MICU3: variants seen among roughly 807,000 people sequenced by gnomAD.
MICU3 encodes calcium uptake protein 3, mitochondrial.
MICU3 carries 62 observed loss-of-function variants against 66.5 expected under a neutral mutation model. That is an observed-to-expected ratio of 0.93 (90% CI 0.76 to 1.15). The LOEUF (loss-of-function observed/expected upper bound fraction) is 1.15. Ranked by LOEUF, MICU3 falls within the 50% of genes most tolerant of loss-of-function variation. MICU3 has a pLI of 0.00. For synonymous variants in MICU3, 308 were observed against 240.7 expected (o/e 1.28, Z -2.59); for missense variants, 779 against 664.4 (o/e 1.17, Z -1.90).
chr8:17,116,821 A>G (rs868090359), intron 13 of MICU3, among the ~76,000 whole-genome samples: 7 of 152,294 alleles, frequency 4.6e-5, no homozygotes, highest in Middle Eastern at 3.4e-3. Context: ...ACCTTATAAT[A>G]ATTTATTTTC....
At chr8:17,118,932 C>T (rs758338574) in intron 14 of MICU3, among the ~76,000 whole-genome samples, 157 bp downstream of exon 14, 2 of 152,022 alleles carry the variant, frequency 1.3e-5, no homozygotes, top group South Asian at 2.1e-4. Flanking sequence ...AAAAATTTTA[C>T]GTTAAACCTG....
At chr8:17,031,863 C>G (rs1399367260) in intron 1 of MICU3, among the ~76,000 whole-genome samples, 1 of 152,140 alleles carries the variant, frequency 6.6e-6, no homozygotes, top group African/African-American at 2.4e-5. Context: ...TTCCCTGACT[C>G]TATAGATTTG....
At chr8:17,075,208 G>A (rs1413691388) in intron 3 of MICU3, among the ~76,000 whole-genome samples, 1 of 136,158 alleles carries the variant, frequency 7.3e-6, no homozygotes, top group Non-Finnish European at 1.6e-5. Context: ...CACCGTCCTA[G>A]CACAGCAGCG....
intron 1 of MICU3, among the ~76,000 whole-genome samples, chr8:17,060,917 C>T (rs569690440): frequency 6.6e-6 from 1 of 151,966 alleles, no homozygotes; most frequent in East Asian, 1.9e-4. Flanking sequence ...TCAAAAGCCC[C>T]ACTTAATATT....
At chr8:17,119,532 CATAGATAGATAG>C (rs10524011) in intron 14 of MICU3, among the ~76,000 whole-genome samples, 56 of 124,146 alleles carry the variant, frequency 4.5e-4, no homozygotes, top group Middle Eastern at 3.6e-3. Flanking sequence ...AAGCTTGAAG[CATAGATAGATAG>C]ATAGATAGAT....
At chr8:17,034,356 C>T (rs549934120) in intron 1 of MICU3, among the ~76,000 whole-genome samples, 1 of 152,326 alleles carries the variant, frequency 6.6e-6, no homozygotes, top group Non-Finnish European at 1.5e-5. Flanking sequence ...ACAAGGAGAT[C>T]AGTGTTTTTA....
At chr8:17,110,543 A>G (rs1434955292) in intron 11 of MICU3, among the ~76,000 whole-genome samples, 5 of 151,934 alleles carry the variant, frequency 3.3e-5, no homozygotes, top group Non-Finnish European at 7.4e-5. Context: ...GGGTTCTTTC[A>G]TAGTATTTTT....
At chr8:17,111,586 C>T (rs1417309864) in intron 11 of MICU3, among the ~76,000 whole-genome samples, 1 of 152,122 alleles carries the variant, frequency 6.6e-6, no homozygotes, top group Admixed American at 6.5e-5. Flanking sequence ...CATATTTAAG[C>T]AGTTGTTGGC....
intron 1 of MICU3, among the ~76,000 whole-genome samples, chr8:17,046,331 CT>C (rs1012424568): frequency 1.2e-4 from 18 of 152,242 alleles, no homozygotes; most frequent in African/African-American, 4.3e-4. Context: ...TGGGGAGAAC[CT>C]CCTCATACCT....
intron 14 of MICU3, 37 bp downstream of exon 14, chr8:17,118,812 A>T: frequency 1.7e-6 from 2 of 1,191,802 alleles, no homozygotes; most frequent in Non-Finnish European, 1.2e-6. Flanking sequence ...TTGTTCAGTA[A>T]CAATAGGGAT....
intron 1 of MICU3, among the ~76,000 whole-genome samples, chr8:17,043,242 A>G (rs1814511236): frequency 6.6e-6 from 1 of 152,070 alleles, no homozygotes; most frequent in African/African-American, 2.4e-5. Flanking sequence ...CCCGGCCTCA[A>G]AGTGATTTTT....
At position 17,027,321 on chromosome 8, in the gene MICU3, G is replaced by A. The variant is rs1811152760; in HGVS notation, c.42G>A (p.Val14=). The change falls in exon 1 of 15, where the codon GTG becomes GTA. Residue 14 remains valine (V), a synonymous_variant. Transcript: ENST00000318063. ...LRRLLWPPPR[V]SPPLCAHQPL... is the part of the protein sequence containing the mutation. ...GGCTCTTGTGGCCGCCACCCCGGGT[G>A]TCTCCTCCACTCTGCGCTCACCAGC... 7 of 1,465,684 alleles carry A rather than the reference G, an allele frequency of 4.8e-6. No homozygotes were observed. The highest frequency in any genetic ancestry group is 1.5e-5 in the African/African-American group (1 of 66,198). The allele number at this position is 1,465,684 out of a possible 1,614,324, so 90.8% of individuals were successfully genotyped here.
At chr8:17,079,734 T>C (rs1820892409) in intron 4 of MICU3, among the ~76,000 whole-genome samples, 1 of 152,116 alleles carries the variant, frequency 6.6e-6, no homozygotes, top group African/African-American at 2.4e-5. Context: ...ACTCAAACGG[T>C]CCTCTTGCCT....
At chr8:17,133,213 A>T in the MICU3 span, 2 of 152,206 alleles carry the variant, frequency 1.3e-5, no homozygotes, top group South Asian at 4.1e-4. Flanking sequence ...TCTGGTTATG[A>T]TGGGGAAAGT....
At position 17,030,983 on chromosome 8, in the gene MICU3, T is replaced by C. The variant is rs575245159; in HGVS notation, c.381+3323T>C. On this transcript the variant is annotated intron_variant, in intron 1 of 14. Coordinates refer to ENST00000318063, the MANE Select transcript of MICU3 (RefSeq NM_181723.3). The stretch of plus-strand genomic sequence containing the variant: ...TCTTAGCTCTTTTGTATTTTTACCT[T>C]TTTATACTCCTTTACTGTGAATTTA... 3.3e-5 allele frequency among the ~76,000 whole-genome samples: 5 copies of C among 152,268 alleles called. No homozygotes were observed. The East Asian group carries it at 7.7e-4, about 24-fold the overall frequency.
intron 14 of MICU3, 51 bp downstream of exon 14, chr8:17,118,826 A>C (rs763285743): frequency 9.3e-7 from 1 of 1,078,988 alleles, no homozygotes; most frequent in Admixed American, 1.8e-5. Context: ...TAGGGATCAT[A>C]ATTTATTTTT....
At chr8:17,112,048 C>T (rs190270619) in intron 11 of MICU3, among the ~76,000 whole-genome samples, 3 of 147,662 alleles carry the variant, frequency 2.0e-5, no homozygotes, top group African/African-American at 5.4e-5. Context: ...CTCACTATCA[C>T]GAGAACAGCA....
At chr8:17,062,244 G>A (rs1817943364) in intron 1 of MICU3, among the ~76,000 whole-genome samples, 1 of 151,988 alleles carries the variant, frequency 6.6e-6, no homozygotes, top group East Asian at 1.9e-4. Flanking sequence ...TTTTCCTGAA[G>A]CCTTCTTTTT....
chr8:17,106,569 A>G (rs1044604040), intron 11 of MICU3, among the ~76,000 whole-genome samples: 2 of 120,506 alleles, frequency 1.7e-5, no homozygotes, highest in Non-Finnish European at 3.7e-5. Context: ...TTTTGCTTTT[A>G]TTAAATGGAA....
Sources: allele counts gnomAD v4.1 joint callset (sites outside exome capture counted in the v4.1 genomes callset), GRCh38; gene constraint gnomAD v4.1.1; transcripts MANE v1.5; gene names NCBI Gene and HGNC (gene_info 2026-07-23, HGNC 2026-07-21).